LUZP2: variants seen among roughly 807,000 people sequenced by gnomAD.
The protein encoded by LUZP2 is leucine zipper protein 2.
Under a neutral mutation model 51.6 loss-of-function variants are expected in LUZP2, and 52 were observed. The observed-to-expected ratio is 1.01, with a 90% CI of 0.81 to 1.27. LUZP2 has a LOEUF of 1.27. LUZP2 is among the 50% of genes most tolerant of loss of function. The pLI, the probability that LUZP2 is intolerant of heterozygous loss-of-function variation, is 0.00. For synonymous variants in LUZP2, 154 were observed against 137.3 expected (o/e 1.12, Z -0.85); for missense variants, 436 against 395.4 (o/e 1.10, Z -0.87).
intron 9 of LUZP2, among the ~76,000 whole-genome samples, chr11:25,009,653 G>C (rs77875218): frequency 6.6e-6 from 1 of 151,846 alleles, no homozygotes; most frequent in Non-Finnish European, 1.5e-5. Context: ...TCTATTTTTC[G>C]TTTTACCTCA....
chr11:25,044,550 T>C (rs925145839), intron 9 of LUZP2, among the ~76,000 whole-genome samples: 8 of 152,060 alleles, frequency 5.3e-5, no homozygotes, highest in African/African-American at 1.9e-4. Context: ...TTTTATACTT[T>C]TGTGCTCACA....
At chr11:24,879,632 C>G (rs1852390718) in intron 5 of LUZP2, among the ~76,000 whole-genome samples, 1 of 152,150 alleles carries the variant, frequency 6.6e-6, no homozygotes, top group Admixed American at 6.5e-5. Context: ...GAGATGGTAT[C>G]TCTTTCTGGT....
intron 9 of LUZP2, among the ~76,000 whole-genome samples, chr11:24,991,910 G>T (rs894092893): frequency 6.6e-6 from 1 of 151,820 alleles, no homozygotes; most frequent in Non-Finnish European, 1.5e-5. Context: ...CTTTTTGATG[G>T]GATTCTTTGT....
intron 7 of LUZP2, among the ~76,000 whole-genome samples, chr11:24,952,590 G>A (rs1213697330): frequency 6.6e-6 from 1 of 151,696 alleles, no homozygotes; most frequent in African/African-American, 2.4e-5. Flanking sequence ...ACAGAGGTGA[G>A]GAGTTTGAGA....
intron 4 of LUZP2, among the ~76,000 whole-genome samples, chr11:24,744,180 G>T (rs1480820573): frequency 6.6e-6 from 1 of 151,934 alleles, no homozygotes; most frequent in Non-Finnish European, 1.5e-5. Context: ...TTTATTTTTG[G>T]CTATGTCCCT....
chr11:24,980,771 A>G (rs1856007275), intron 8 of LUZP2, among the ~76,000 whole-genome samples: 1 of 151,700 alleles, frequency 6.6e-6, no homozygotes, highest in Non-Finnish European at 1.5e-5. Context: ...TGAGACATAC[A>G]TTTTAAGTGG....
intron 5 of LUZP2, among the ~76,000 whole-genome samples, chr11:24,879,579 T>C (rs912613149): frequency 6.6e-6 from 1 of 152,186 alleles, no homozygotes; most frequent in Non-Finnish European, 1.5e-5. Flanking sequence ...CACCAGCATC[T>C]ACTGTTTCCT....
chr11:24,879,033 C>A (rs1852368080), intron 5 of LUZP2, among the ~76,000 whole-genome samples: 1 of 152,100 alleles, frequency 6.6e-6, no homozygotes, highest in African/African-American at 2.4e-5. Context: ...GTGGCTCAAT[C>A]TCAGCTCACT....
intron 1 of LUZP2, among the ~76,000 whole-genome samples, chr11:24,630,222 T>C (rs1381785105): frequency 1.3e-5 from 2 of 152,018 alleles, no homozygotes; most frequent in African/African-American, 4.8e-5. Context: ...ATTTTTGTTT[T>C]TGTTGTTTGT....
chr11:24,713,051 C>CACACATCCCAG (rs1446284896), intron 1 of LUZP2, among the ~76,000 whole-genome samples: 2 of 152,090 alleles, frequency 1.3e-5, no homozygotes, highest in Non-Finnish European at 2.9e-5. Flanking sequence ...CTAATTCTGC[C>CACACATCCCAG]ACACATCTAC....
Position 24,611,096 on chromosome 11 carries a change from T to C in LUZP2, c.62+113791T>C, listed in dbSNP as rs75443403. Among the ~76,000 whole-genome samples the C allele has an allele frequency of 0.029, 4,352 of 152,260 alleles. 81 individuals carry two copies. The highest frequency in any genetic ancestry group is 0.039 in the Non-Finnish European group (2,666 of 68,016). Reference sequence around the variant, plus strand: ...ATTTTTTGTTTTGTTTTGTTTTGTTTTGGCTATCCGAAGTAACATATAAGT... The same window carrying C: ...ATTTTTTGTTTTGTTTTGTTTTGTTCTGGCTATCCGAAGTAACATATAAGT... On this transcript the variant is annotated intron_variant, in intron 1 of 11. Transcript: ENST00000336930. This position sits in a 1 kb window ranked among gnomAD's most constrained non-coding sequence, Gnocchi z 4.6.
At chr11:25,015,255 C>T (rs778955244) in intron 9 of LUZP2, among the ~76,000 whole-genome samples, 2 of 152,122 alleles carry the variant, frequency 1.3e-5, no homozygotes, top group Non-Finnish European at 2.9e-5. Flanking sequence ...TCTACACTTA[C>T]AAAATGTTAC....
At chr11:24,817,953 C>T (rs192807912) in intron 5 of LUZP2, among the ~76,000 whole-genome samples, 28 of 152,020 alleles carry the variant, frequency 1.8e-4, no homozygotes, top group Admixed American at 1.0e-3. Context: ...ATTTTTATTG[C>T]TACGGGAAGG....
At chr11:24,893,548 A>G (rs60133666) in intron 5 of LUZP2, among the ~76,000 whole-genome samples, 1 of 152,180 alleles carries the variant, frequency 6.6e-6, no homozygotes, top group South Asian at 2.1e-4. Flanking sequence ...AAGACTACAC[A>G]TAATATATCA....
intron 1 of LUZP2, among the ~76,000 whole-genome samples, chr11:24,641,312 A>G (rs1046532616): frequency 3.3e-5 from 5 of 151,808 alleles, no homozygotes; most frequent in African/African-American, 4.9e-5. Flanking sequence ...GATATCAACA[A>G]CTTGCAGTTG....
chr11:24,633,964 G>GTGTGTGTATATATA (rs141308575), intron 1 of LUZP2, among the ~76,000 whole-genome samples: 13 of 149,246 alleles, frequency 8.7e-5, no homozygotes, highest in East Asian at 7.8e-4. Context: ...GTGTGTGTGT[G>GTGTGTGTATATATA]TATATATAGT....
rs1469197114 is a variant in LUZP2 at position 24,898,989 on chromosome 11, TACTA to T, written c.397-6998_397-6995del. 2.0e-5 allele frequency among the ~76,000 whole-genome samples: 3 copies of T among 152,184 alleles called. 1 individual carries two copies. The South Asian group carries it at 6.2e-4, about 31-fold the overall frequency. ...TACCTGTTTAAGAGATTGGTAGTTT[TACTA>T]ACTTATTTTTCTCTGAAAATAACAT... On this transcript the variant is annotated intron_variant, in intron 5 of 11. Transcript: ENST00000336930.
intron 5 of LUZP2, among the ~76,000 whole-genome samples, chr11:24,784,619 G>A (rs979891254): frequency 2.0e-5 from 3 of 151,956 alleles, no homozygotes; most frequent in Non-Finnish European, 1.5e-5. Context: ...TGCAAGGGAA[G>A]TGTCTTTCCC....
intron 5 of LUZP2, among the ~76,000 whole-genome samples, chr11:24,772,194 C>T (rs989691363): frequency 6.6e-6 from 1 of 152,052 alleles, no homozygotes; most frequent in Non-Finnish European, 1.5e-5. Context: ...ATAAAAAAAA[C>T]AATAAAGGTC....
Sources: gnomAD v4.1 joint callset for allele counts (sites outside exome capture counted in the v4.1 genomes callset) on GRCh38, gnomAD v4.1.1 for gene constraint, Gnocchi (gnomAD v3.1) non-coding constraint, MANE v1.5 for transcripts, NCBI Gene and HGNC (gene_info 2026-07-23, HGNC 2026-07-21) for gene names.